TAF5: variants seen among roughly 807,000 people sequenced by gnomAD.
TAF5 encodes the protein TATA-box binding protein associated factor 5.
A neutral mutation model predicts 80.9 loss-of-function variants in TAF5; 20 were observed. The ratio of observed to expected loss-of-function variants is 0.25; its 90% CI spans 0.17 to 0.36. The LOEUF is 0.36. Ranked by LOEUF, TAF5 falls within the 10% of genes least tolerant of loss-of-function variation. The pLI is 1.00. For missense variants in TAF5, 863 were observed against 1,029.4 expected (o/e 0.84, Z 2.21); for synonymous variants, 388 against 406.4 (o/e 0.95, Z 0.55).
chr10:103,368,072 C>CG lies in TAF5; in HGVS notation c.88dup (p.Asp30GlyfsTer7), dbSNP rs2093349140. On this transcript the variant is annotated frameshift_variant, in exon 1 of 11. Coordinates refer to ENST00000369839, the MANE Select transcript of TAF5 (RefSeq NM_006951.5). LOFTEE classifies it high-confidence loss of function. Reference sequence around the variant, plus strand: ...CCGCCAACGCTGCTACCTCCGCAGGCGGGGGACGGCGCAGGCGAGGGTAGC... The same window carrying CG: ...CCGCCAACGCTGCTACCTCCGCAGGCGGGGGGACGGCGCAGGCGAGGGTAGC... The CG allele has an allele frequency of 1.4e-6, 2 of 1,429,242 alleles. No individual in the cohort carries two copies. The highest frequency in any genetic ancestry group is 3.2e-5 in the Admixed American group (1 of 31,566). 88.5% of individuals were successfully genotyped at this position (1,429,242 alleles called of 1,614,324 possible).
In TAF5 at chr10:103,378,637, A is replaced by G. The variant is rs1225939614; in HGVS notation, c.1113+87A>G. The G allele has an allele frequency of 8.5e-6, 12 of 1,417,744 alleles. No homozygotes were observed. In the East Asian group the frequency reaches 2.7e-4, roughly 31 times the overall value. The allele number at this position is 1,417,744 out of a possible 1,614,324, so 87.8% of individuals were successfully genotyped here. A position where few individuals can be genotyped will look rare whatever the true frequency, so the allele number is the denominator to read the frequency against. ...TACATAAGTTACACATTTTTCTTAT[A>G]GCTAGCTTGGAAACAATTTTTTTCG... On this transcript the variant is annotated intron_variant, in intron 3 of 10. Transcript: ENST00000369839. The surrounding 1 kb of genome is among the most constrained non-coding windows in gnomAD (Gnocchi z 4.1).
chr10:103,385,656 G>C (rs1431021533), intron 8 of TAF5, among the ~76,000 whole-genome samples, 166 bp downstream of exon 8: 2 of 152,002 alleles, frequency 1.3e-5, no homozygotes, highest in Non-Finnish European at 2.9e-5. Context: ...CGGGCGCAGT[G>C]GCTTATGCCT....
Position 103,379,471 on chromosome 10 carries a change from T to C in TAF5, c.1114-137T>C, listed in dbSNP as rs150198022. 31 of 755,414 alleles carry C rather than the reference T, an allele frequency of 4.1e-5. No individual in the cohort carries two copies. The African/African-American group carries it at 4.5e-4, about 11-fold the overall frequency. 46.8% of individuals were successfully genotyped at this position (755,414 alleles called of 1,614,324 possible). The stretch of plus-strand genomic sequence containing the variant: ...TAGTAAGGAAAAAGGGGAGAATGGC[T>C]ATTGGGTAGACAAATACAGAACCCT... On this transcript the variant is annotated intron_variant, in intron 3 of 10. Transcript: ENST00000369839.
At chr10:103,387,473 C>T in intron 9 of TAF5, 48 bp from the exon 10 acceptor site, 3 of 1,556,868 alleles carry the variant, frequency 1.9e-6, no homozygotes, top group South Asian at 2.4e-5. Flanking sequence ...AAAATTTTGT[C>T]TTATTTTCCT....
At chr10:103,371,810 G>T (rs995683859) in intron 1 of TAF5, among the ~76,000 whole-genome samples, 5 of 152,184 alleles carry the variant, frequency 3.3e-5, no homozygotes, top group Non-Finnish European at 7.3e-5. Flanking sequence ...TGCATGGCTT[G>T]GTCGTGGTGG....
At chr10:103,387,052 G>A (rs2093398259) in intron 8 of TAF5, 123 bp from the exon 9 acceptor site, 10 of 854,798 alleles carry the variant, frequency 1.2e-5, no homozygotes, top group Admixed American at 8.8e-5. Context: ...TAACTAGTAA[G>A]TGGGGGGCCC....
At position 103,374,063 on chromosome 10, in the gene TAF5, G is replaced by T. The variant is rs1460435115; in HGVS notation, c.797+468G>T. Among the ~76,000 whole-genome samples, 1 of 152,054 alleles carries T rather than the reference G, an allele frequency of 6.6e-6. No homozygotes were observed. The highest frequency in any genetic ancestry group is 6.6e-5 in the Admixed American group (1 of 15,244). On this transcript the variant is annotated intron_variant, in intron 2 of 10. Transcript: ENST00000369839. The surrounding 1 kb of genome is among the most constrained non-coding windows in gnomAD (Gnocchi z 4.3). ...AAAAAAAGGATAGGCAGGTTTTTGG[G>T]CCATGTTGAGGGTCTTTGTTTATCC...
chr10:103,387,406 A>AT, intron 9 of TAF5, 54 bp downstream of exon 9: 1 of 1,557,956 alleles, frequency 6.4e-7, no homozygotes, highest in South Asian at 1.2e-5. Flanking sequence ...AAATAAAAAT[A>AT]TTTTTTAAAC....
At chr10:103,371,034 A>G (rs2093358399) in intron 1 of TAF5, among the ~76,000 whole-genome samples, 1 of 152,190 alleles carries the variant, frequency 6.6e-6, no homozygotes, top group Non-Finnish European at 1.5e-5. Flanking sequence ...TGAGGTCAGG[A>G]GATCAAGACC....
At position 103,378,243 on chromosome 10, in the gene TAF5, G is replaced by A. The variant is rs374367112; in HGVS notation, c.806G>A (p.Gly269Glu). ...TAAAATCACTGAAACAGGTTCCATG[G>A]AGATCAGGAATGTTATTACCAGGAT... ...EAKSFFEKFH[G>E]DQECYYQDDL... Residue 269 changes from glycine (G) to glutamate (E), a missense_variant, in exon 3 of 11, where the codon GGA becomes GAA. Physicochemically the swap from Gly to Glu is moderately conservative, Grantham distance 98. Around this residue, in one of 3 missense-constraint regions of TAF5, gnomAD observed 128 missense variants for 232.2 expected, o/e 0.55. Coordinates refer to ENST00000369839, the MANE Select transcript of TAF5 (RefSeq NM_006951.5). The surrounding 1 kb of genome is among the most constrained non-coding windows in gnomAD (Gnocchi z 4.1). The A allele has an allele frequency of 6.8e-6, 11 of 1,612,042 alleles. No homozygotes were observed. Among genetic ancestry groups the A allele is most frequent in the African/African-American group, 1.3e-5 (1 of 74,852 alleles).
chr10:103,378,204 G>T lies in TAF5; in HGVS notation c.798-31G>T, dbSNP rs754201445. On this transcript the variant is annotated intron_variant, in intron 2 of 10. Coordinates refer to ENST00000369839, the MANE Select transcript of TAF5 (RefSeq NM_006951.5). This position sits in a 1 kb window ranked among gnomAD's most constrained non-coding sequence, Gnocchi z 4.1. ...AGGCAGATCCCTTAATGATTACATT[G>T]AAAAATGACTTTTTAAAATCACTGA... The T allele has an allele frequency of 1.9e-6, 3 of 1,586,522 alleles. No homozygotes were observed. Among genetic ancestry groups the T allele is most frequent in the Non-Finnish European group, 1.7e-6 (2 of 1,163,550 alleles).
chr10:103,381,815 A>G lies in TAF5; in HGVS notation c.1508A>G (p.Lys503Arg), dbSNP rs371845219. 7.4e-6 allele frequency: 12 copies of G among 1,614,222 alleles called. No homozygotes were observed. The highest frequency in any genetic ancestry group is 8.5e-6 in the Non-Finnish European group (10 of 1,180,042). Reference sequence around the variant, plus strand: ...AGAGTGTGGTCGGTAACACCCAAAAAGCTTCGTAGTGTCAAACAAGCATCA... The same window carrying G: ...AGAGTGTGGTCGGTAACACCCAAAAGGCTTCGTAGTGTCAAACAAGCATCA... ...TVRVWSVTPK[K>R]LRSVKQASDL... Residue 503 changes from lysine (K) to arginine (R), a missense_variant, in exon 6 of 11, where the codon AAG becomes AGG. Lys to Arg is a conservative substitution (Grantham distance 26, BLOSUM62 2). Transcript: ENST00000369839.
intron 7 of TAF5, among the ~76,000 whole-genome samples, chr10:103,383,576 A>AC (rs2093388119): frequency 1.3e-5 from 1 of 76,830 alleles, no homozygotes; most frequent in Non-Finnish European, 2.4e-5. Flanking sequence ...ATGTATACTC[A>AC]CTTTTTTTTT....
rs1301715028 is a variant in TAF5, at chr10:103,381,775, G to A, written c.1468G>A (p.Ala490Thr). Residue 490 changes from alanine to threonine, a missense_variant, in exon 6 of 11, where the codon GCA (alanine) becomes ACA (threonine). By Grantham distance (58) the Ala-to-Thr change is moderately conservative (BLOSUM62 0). Coordinates refer to ENST00000369839, the MANE Select transcript of TAF5 (RefSeq NM_006951.5). ...DDSSLIAGGF[A>T]DSTVRVWSVT... ...TTCTAGTCTGATTGCTGGAGGTTTT[G>A]CAGATTCAACTGTCAGAGTGTGGTC... 11 of 1,614,038 alleles carry A rather than the reference G, an allele frequency of 6.8e-6. No individual in the cohort carries two copies. Among genetic ancestry groups the A allele is most frequent in the Non-Finnish European group, 9.3e-6 (11 of 1,180,026 alleles).
chr10:103,388,007 T>G lies in TAF5; in HGVS notation c.2187T>G (p.Gly729=). The G allele has an allele frequency of 6.2e-7, 1 of 1,613,120 alleles. No individual in the cohort carries two copies. The highest frequency in any genetic ancestry group is 8.5e-7 in the Non-Finnish European group (1 of 1,179,368). The change falls in exon 11 of 11, where the codon GGT becomes GGG. Residue 729 remains glycine (G), a splice_region_variant and synonymous_variant. Coordinates refer to ENST00000369839, the MANE Select transcript of TAF5 (RefSeq NM_006951.5). ...FSRDGEILAS[G]SMDNTVRLWD... Reference sequence around the variant, plus strand: ...TGGTTTCCTTTGACTTCCCCTTAGGTTCAATGGATAATACAGTTCGATTAT... The same window carrying G: ...TGGTTTCCTTTGACTTCCCCTTAGGGTCAATGGATAATACAGTTCGATTAT...
chr10:103,370,646 T>C (rs1564742947), intron 1 of TAF5, among the ~76,000 whole-genome samples: 1 of 151,896 alleles, frequency 6.6e-6, no homozygotes, highest in Non-Finnish European at 1.5e-5. Flanking sequence ...ACTTATAATA[T>C]CTATATGTAA....
At chr10:103,369,697 C>T (rs2093354692) in intron 1 of TAF5, among the ~76,000 whole-genome samples, 1 of 151,988 alleles carries the variant, frequency 6.6e-6, no homozygotes, top group Non-Finnish European at 1.5e-5. Flanking sequence ...TGAGTACCAC[C>T]AGTGTTAAGT....
chr10:103,386,456 G>A (rs766366879), intron 8 of TAF5, among the ~76,000 whole-genome samples: 2 of 151,968 alleles, frequency 1.3e-5, no homozygotes, highest in Non-Finnish European at 2.9e-5. Context: ...ACAACTATTT[G>A]GTGGCCAGAA....
chr10:103,373,479 T>C lies in TAF5; in HGVS notation c.681T>C (p.Cys227=), dbSNP rs1334902683. 6.2e-7 allele frequency: 1 copy of C among 1,614,204 alleles called. No homozygotes were observed. The highest frequency in any genetic ancestry group is 1.7e-5 in the Admixed American group (1 of 60,018). ...YYSGLKHFIE[C]SLDCHRAELS... ...GTGGACTGAAACACTTCATTGAATG[T>C]TCCCTGGACTGCCATCGGGCAGAGT... The change falls in exon 2 of 11, where the codon TGT becomes TGC. Residue 227 remains cysteine (C), a synonymous_variant. Coordinates refer to ENST00000369839, the MANE Select transcript of TAF5 (RefSeq NM_006951.5).
Sources: allele counts gnomAD v4.1 joint callset (sites outside exome capture counted in the v4.1 genomes callset), GRCh38; gene constraint gnomAD v4.1.1; regional missense constraint gnomAD v4.1.1; non-coding constraint Gnocchi (gnomAD v3.1); transcripts MANE v1.5; gene names NCBI Gene and HGNC (gene_info 2026-07-23, HGNC 2026-07-21).